Variants in LRP6 observed in about 807,000 individuals in gnomAD.
LRP6 encodes the protein low-density lipoprotein receptor-related protein 6.
LRP6 carries 43 observed loss-of-function variants against 184.1 expected under a neutral mutation model. That is an observed-to-expected ratio of 0.23 (90% CI 0.18 to 0.30). LRP6 has a LOEUF of 0.30. Ranked by LOEUF, LRP6 falls within the 10% of genes least tolerant of loss-of-function variation. The pLI, the probability that LRP6 is intolerant of heterozygous loss-of-function variation, is 1.00. For missense variants in LRP6, 1,571 were observed against 2,005.3 expected, an observed-to-expected ratio of 0.78 and a Z score of 4.14; for synonymous variants, 719 against 684.9, an observed-to-expected ratio of 1.05 and a Z score of -0.78.
At chr12:12,138,154 G>C (rs566027087) in intron 16 of LRP6, among the ~76,000 whole-genome samples, 171 bp downstream of exon 16, 7 of 151,396 alleles carry the variant, frequency 4.6e-5, no homozygotes, top group South Asian at 4.2e-4. Flanking sequence ...CTGGGCGACA[G>C]AGTGAGACTC....
intron 3 of LRP6, among the ~76,000 whole-genome samples, chr12:12,192,568 G>T (rs1303484441): frequency 1.3e-5 from 2 of 151,866 alleles, no homozygotes; most frequent in Non-Finnish European, 2.9e-5. Flanking sequence ...AAAAGAAAAG[G>T]TTACAGTAGA....
intron 2 of LRP6, among the ~76,000 whole-genome samples, chr12:12,220,055 G>A (rs959378366): frequency 2.0e-5 from 3 of 152,160 alleles, no homozygotes; most frequent in Non-Finnish European, 4.4e-5. Context: ...AGGAGGCTGA[G>A]GCGGGCGGAT....
At chr12:12,226,445 GACA>G (rs1335825942) in intron 2 of LRP6, among the ~76,000 whole-genome samples, 1 of 152,160 alleles carries the variant, frequency 6.6e-6, no homozygotes. Flanking sequence ...GGAAAAAACA[GACA>G]ACATGGAAGA....
intron 17 of LRP6, 70 bp from the exon 18 acceptor site, chr12:12,132,127 C>T (rs1166547766): frequency 1.1e-6 from 1 of 924,618 alleles, no homozygotes; most frequent in African/African-American, 1.6e-5. Flanking sequence ...CAAACACATA[C>T]CTGAGTGAAG....
intron 2 of LRP6, among the ~76,000 whole-genome samples, chr12:12,231,832 T>C (rs941879374): frequency 4.5e-4 from 69 of 151,678 alleles, no homozygotes; most frequent in African/African-American, 1.5e-3. Flanking sequence ...CTGAGCAACA[T>C]GGTGAAACCC....
chr12:12,192,075 T>C (rs1390565493), intron 3 of LRP6, among the ~76,000 whole-genome samples: 2 of 151,974 alleles, frequency 1.3e-5, no homozygotes, highest in African/African-American at 2.4e-5. Flanking sequence ...AGACATAAGA[T>C]TGTATAAAGC....
chr12:12,246,785 G>A (rs904644247), intron 1 of LRP6, among the ~76,000 whole-genome samples: 9 of 152,020 alleles, frequency 5.9e-5, no homozygotes, highest in African/African-American at 2.2e-4. Flanking sequence ...CTACCATTTA[G>A]AAGTAACGAT....
chr12:12,202,252 A>G (rs553097820), intron 3 of LRP6, among the ~76,000 whole-genome samples: 8 of 152,246 alleles, frequency 5.3e-5, no homozygotes, highest in Non-Finnish European at 1.2e-4. Context: ...CTTTACAAAT[A>G]AAGTTTTACA....
At chr12:12,137,929 A>G (rs747526270) in intron 16 of LRP6, among the ~76,000 whole-genome samples, 7 of 151,990 alleles carry the variant, frequency 4.6e-5, no homozygotes, top group Non-Finnish European at 7.4e-5. Flanking sequence ...TTGGGAGGCC[A>G]AGGTGGGCAG....
At chr12:12,156,179 A>G (rs997605653) in intron 12 of LRP6, among the ~76,000 whole-genome samples, 2 of 152,232 alleles carry the variant, frequency 1.3e-5, no homozygotes, top group African/African-American at 4.8e-5. Context: ...GAATGGCAGC[A>G]TAATTTTAAT....
intron 2 of LRP6, among the ~76,000 whole-genome samples, chr12:12,242,237 C>CA (rs528680292): frequency 7.4e-4 from 112 of 152,226 alleles, no homozygotes; most frequent in Admixed American, 3.0e-3. Flanking sequence ...TTACATAATG[C>CA]AAATAAACAT....
Position 12,147,291 on chromosome 12 carries a change from C to T in LRP6, c.3397+75G>A, listed in dbSNP as rs1235858209. The T allele has an allele frequency of 1.5e-5, 23 of 1,512,668 alleles. No individual in the cohort carries two copies. In the East Asian group the frequency reaches 4.1e-4, roughly 27 times the overall value. The allele number at this position is 1,512,668 out of a possible 1,614,324, so 93.7% of individuals were successfully genotyped here. A position where few individuals can be genotyped will look rare whatever the true frequency, so the allele number is the denominator to read the frequency against. ...GCCAAGAAATGTGCCAAAAACAATA[C>T]GATGCAAGAAAAACACAATAGATGA... On this transcript the variant is annotated intron_variant, in intron 15 of 22. Transcript: ENST00000261349.
intron 15 of LRP6, among the ~76,000 whole-genome samples, chr12:12,146,693 T>C (rs568240924): frequency 6.6e-6 from 1 of 152,328 alleles, no homozygotes; most frequent in Non-Finnish European, 1.5e-5. Context: ...CTGAAGATTT[T>C]TTAAGTAAAG....
At chr12:12,245,054 C>G (rs1232439276) in intron 1 of LRP6, among the ~76,000 whole-genome samples, 3 of 152,174 alleles carry the variant, frequency 2.0e-5, no homozygotes, top group Non-Finnish European at 4.4e-5. Flanking sequence ...ACCTACTATA[C>G]AATCCAAGGC....
intron 3 of LRP6, among the ~76,000 whole-genome samples, chr12:12,199,761 C>T (rs112555626): frequency 2.6e-5 from 4 of 151,598 alleles, no homozygotes; most frequent in African/African-American, 4.8e-5. Context: ...GTAAGGAGTT[C>T]GAGACCAGCC....
chr12:12,147,120 C>CA (rs1191684542), intron 15 of LRP6, among the ~76,000 whole-genome samples: 191 of 150,014 alleles, frequency 1.3e-3, no homozygotes, highest in African/African-American at 2.2e-3. Context: ...GACTCCGTCT[C>CA]AAAAAAAAAG....
At chr12:12,153,353 G>A (rs1005817931) in intron 12 of LRP6, among the ~76,000 whole-genome samples, 3 of 152,068 alleles carry the variant, frequency 2.0e-5, no homozygotes, top group African/African-American at 7.2e-5. Flanking sequence ...AGATCCCAGA[G>A]TTTTAGTTCC....
At position 12,147,396 on chromosome 12, in the gene LRP6, G is replaced by C; in HGVS notation, c.3367C>G (p.Leu1123Val). The C allele has an allele frequency of 1.2e-6, 2 of 1,614,152 alleles. No homozygotes were observed. Among genetic ancestry groups the C allele is most frequent in the Non-Finnish European group, 1.7e-6 (2 of 1,180,028 alleles). ...LGKLFWADSD[L>V]RRIESSDLSG... ...AGATCACTGCTTTCAATTCGCCGGAGATCTGAATCAGCCCAAAAGAGCTTG... is the reference window on the plus strand; with the variant it reads ...AGATCACTGCTTTCAATTCGCCGGACATCTGAATCAGCCCAAAAGAGCTTG... Residue 1123 changes from leucine to valine, a missense_variant, in exon 15 of 23, where the codon CTC becomes GTC. This residue lies in a region of LRP6 where 763 missense variants were observed against 859.5 expected (regional missense o/e 0.89). Coordinates refer to ENST00000261349, the MANE Select transcript of LRP6 (RefSeq NM_002336.3).
chr12:12,125,628 T>C (rs1045372267), intron 20 of LRP6, among the ~76,000 whole-genome samples, 196 bp from the exon 21 acceptor site: 4 of 152,150 alleles, frequency 2.6e-5, no homozygotes, highest in Admixed American at 1.3e-4. Context: ...AATGCTTCCA[T>C]TGAAAGAGCT....
Sources: gnomAD v4.1 joint callset for allele counts (sites outside exome capture counted in the v4.1 genomes callset) on GRCh38, gnomAD v4.1.1 for gene constraint, gnomAD v4.1.1 regional missense constraint, MANE v1.5 for transcripts, NCBI Gene and HGNC (gene_info 2026-07-23, HGNC 2026-07-21) for gene names.